The following RORA variants were observed in gnomAD, a reference collection of about 807,000 sequenced individuals.
RORA encodes RAR related orphan receptor A.
RORA carries 7 observed loss-of-function variants against 69.5 expected under a neutral mutation model. The ratio of observed to expected loss-of-function variants is 0.10; its 90% CI spans 0.06 to 0.19. The LOEUF (loss-of-function observed/expected upper bound fraction) is 0.19. RORA is among the 10% of genes least tolerant of loss of function. The pLI is 1.00. For synonymous variants in RORA, 261 were observed against 240.8 expected (o/e 1.08, Z -0.78); for missense variants, 457 against 663.0 (o/e 0.69, Z 3.41).
chr15:60,567,381 C>T (rs2067746203), intron 2 of RORA, among the ~76,000 whole-genome samples: 1 of 151,162 alleles, frequency 6.6e-6, no homozygotes, highest in Non-Finnish European at 1.5e-5. Flanking sequence ...AGAGAGATGC[C>T]CTCTTTTATT....
intron 1 of RORA, among the ~76,000 whole-genome samples, chr15:60,944,648 A>C (rs4775331): frequency 0.97 from 145,111 of 149,040 alleles, 70,776 homozygotes; most frequent in Middle Eastern, 1. Context: ...CTGCTTGAGC[A>C]AAAGGGGCAG....
chr15:60,933,547 T>C (rs76464938), intron 1 of RORA, among the ~76,000 whole-genome samples: 1,711 of 152,234 alleles, frequency 0.011, 16 homozygotes, highest in Non-Finnish European at 0.018. Flanking sequence ...CCTATTGACA[T>C]AGAACGCATT....
chr15:60,635,497 AT>A (rs2069818654), intron 2 of RORA, among the ~76,000 whole-genome samples: 1 of 152,232 alleles, frequency 6.6e-6, no homozygotes, highest in African/African-American at 2.4e-5. Flanking sequence ...TCAAGTTGTC[AT>A]CTTTATTAAG....
At chr15:60,583,091 C>A (rs2068237427) in intron 2 of RORA, among the ~76,000 whole-genome samples, 1 of 152,166 alleles carries the variant, frequency 6.6e-6, no homozygotes, top group African/African-American at 2.4e-5. Context: ...GATACTACAC[C>A]AGCATTTTCA....
chr15:60,808,568 C>G (rs1046982601), intron 1 of RORA, among the ~76,000 whole-genome samples: 1 of 151,820 alleles, frequency 6.6e-6, no homozygotes, highest in Non-Finnish European at 1.5e-5. Flanking sequence ...TAGGTATCTA[C>G]GCAGAGGAAA....
intron 1 of RORA, among the ~76,000 whole-genome samples, chr15:61,043,714 T>C (rs1432302020): frequency 2.6e-5 from 4 of 152,058 alleles, no homozygotes; most frequent in Admixed American, 6.6e-5. Context: ...AATATACTTA[T>C]AAAAGCACAG....
chr15:60,658,075 CT>C (rs1567144261), intron 2 of RORA, among the ~76,000 whole-genome samples: 1 of 150,602 alleles, frequency 6.6e-6, no homozygotes, highest in Admixed American at 6.6e-5. Context: ...TTACATTTTT[CT>C]TTCTTTTTTT....
intron 1 of RORA, among the ~76,000 whole-genome samples, chr15:60,766,313 A>C (rs2071990180): frequency 6.6e-6 from 1 of 152,132 alleles, no homozygotes; most frequent in Admixed American, 6.6e-5. Context: ...CAGACTTTCG[A>C]CTTAATAAGA....
At chr15:60,770,559 A>G (rs892723009) in intron 1 of RORA, among the ~76,000 whole-genome samples, 12 of 152,278 alleles carry the variant, frequency 7.9e-5, no homozygotes, top group South Asian at 4.1e-4. Context: ...AAAATTTCCA[A>G]TGAGCTTTCC....
At chr15:60,698,482 T>C (rs2070936189) in intron 1 of RORA, among the ~76,000 whole-genome samples, 1 of 152,194 alleles carries the variant, frequency 6.6e-6, no homozygotes, top group Non-Finnish European at 1.5e-5. Context: ...AGAAAAAAAT[T>C]TTAAATGTTT....
intron 1 of RORA, among the ~76,000 whole-genome samples, chr15:60,939,133 G>A (rs982761729): frequency 1.3e-5 from 2 of 152,160 alleles, no homozygotes; most frequent in Non-Finnish European, 2.9e-5. Context: ...TTTGGCCTTA[G>A]TGCTCCCTCG....
intron 1 of RORA, among the ~76,000 whole-genome samples, chr15:60,917,769 C>G (rs1337199068): frequency 6.6e-6 from 1 of 152,226 alleles, no homozygotes; most frequent in African/African-American, 2.4e-5. Context: ...CCCTTTCCCT[C>G]ACGCATCTGA....
intron 2 of RORA, among the ~76,000 whole-genome samples, chr15:60,616,325 C>T (rs2069242952): frequency 6.6e-6 from 1 of 152,152 alleles, no homozygotes; most frequent in African/African-American, 2.4e-5. Context: ...GAGACTAATG[C>T]CAGCGCATGC....
chr15:60,957,958 C>CT (rs5813055), intron 1 of RORA, among the ~76,000 whole-genome samples: 3 of 150,160 alleles, frequency 2.0e-5, no homozygotes, highest in African/African-American at 4.9e-5. Flanking sequence ...ATTTCAGAGT[C>CT]TTTTTTTTTT....
intron 1 of RORA, among the ~76,000 whole-genome samples, chr15:60,828,460 C>A (rs1015650153): frequency 6.6e-6 from 1 of 152,174 alleles, no homozygotes; most frequent in Non-Finnish European, 1.5e-5. Context: ...CACGTAAAGT[C>A]TGGATTTAGC....
At chr15:61,040,978 C>T (rs879533409) in intron 1 of RORA, 10 of 152,114 alleles carry the variant, frequency 6.6e-5, no homozygotes, top group Non-Finnish European at 1.2e-4. Flanking sequence ...CTTTGCCAGG[C>T]TTATTTCATT....
chr15:60,885,963 GGCAGCTTCTCTGCTGCCTCATT>G lies in RORA; in HGVS notation c.167-207299_167-207278del. Among the ~76,000 whole-genome samples, 4 of 152,312 alleles carry G rather than the reference GGCAGCTTCTCTGCTGCCTCATT, an allele frequency of 2.6e-5. No homozygotes were observed. The Middle Eastern group carries it at 0.01, about 389-fold the overall frequency. ...GTTAACGTCCAATTTTCAAATCTCA[GGCAGCTTCTCTGCTGCCTCATT>G]TCCTGGTCACTCTGACTTTTCCTAG... On this transcript the variant is annotated intron_variant, in intron 1 of 10. Transcript: ENST00000335670.
intron 1 of RORA, among the ~76,000 whole-genome samples, chr15:60,862,914 GGTT>G (rs568328561): frequency 4.6e-4 from 70 of 152,076 alleles, no homozygotes; most frequent in Non-Finnish European, 8.8e-4. Context: ...GCCCTTTTTT[GGTT>G]GTTGTTATTA....
chr15:60,860,140 C>T (rs1288861493), intron 1 of RORA, among the ~76,000 whole-genome samples: 1 of 152,190 alleles, frequency 6.6e-6, no homozygotes, highest in South Asian at 2.1e-4. Context: ...GTGTTTCTGA[C>T]TCAATGGTCC....
Sources: allele counts gnomAD v4.1 joint callset (sites outside exome capture counted in the v4.1 genomes callset), GRCh38; gene constraint gnomAD v4.1.1; transcripts MANE v1.5; gene names NCBI Gene and HGNC (gene_info 2026-07-23, HGNC 2026-07-21).